Variants in ERBB4 observed in about 807,000 individuals in gnomAD.
ERBB4 encodes erb-b2 receptor tyrosine kinase 4.
In ERBB4, 42 loss-of-function variants were observed where a neutral mutation model predicts 158.0. The ratio of observed to expected loss-of-function variants is 0.27; its 90% CI spans 0.21 to 0.34. The LOEUF (loss-of-function observed/expected upper bound fraction) is 0.34, where lower values mean the gene tolerates loss of function less well. ERBB4 is among the 10% of genes least tolerant of loss of function. The pLI is 1.00. For missense variants in ERBB4, 1,333 were observed against 1,624.1 expected (o/e 0.82, Z 3.08); for synonymous variants, 583 against 558.7 (o/e 1.04, Z -0.61).
At chr2:211,931,380 A>T (rs936595777) in intron 3 of ERBB4, among the ~76,000 whole-genome samples, 1 of 152,098 alleles carries the variant, frequency 6.6e-6, no homozygotes, top group Non-Finnish European at 1.5e-5. Flanking sequence ...ACCCTAATAG[A>T]GGTCCCTAGA....
At chr2:212,477,056 A>G (rs1452841330) in intron 1 of ERBB4, among the ~76,000 whole-genome samples, 1 of 152,204 alleles carries the variant, frequency 6.6e-6, no homozygotes, top group Non-Finnish European at 1.5e-5. Context: ...AGTGTAATTA[A>G]AAAGATTAAA....
At chr2:211,393,485 T>G (rs990577664) in intron 25 of ERBB4, among the ~76,000 whole-genome samples, 5 of 152,210 alleles carry the variant, frequency 3.3e-5, no homozygotes, top group African/African-American at 9.6e-5. Flanking sequence ...AGCATTTCTA[T>G]TCTTACTCAT....
chr2:211,560,055 A>G (rs1559295660), intron 20 of ERBB4, among the ~76,000 whole-genome samples: 1 of 152,176 alleles, frequency 6.6e-6, no homozygotes, highest in Non-Finnish European at 1.5e-5. Flanking sequence ...CCAAGAAGCC[A>G]AGAGAAGACT....
At chr2:212,427,320 GAC>G (rs1166331926) in intron 1 of ERBB4, among the ~76,000 whole-genome samples, 8 of 152,250 alleles carry the variant, frequency 5.3e-5, no homozygotes, top group East Asian at 1.9e-4. Flanking sequence ...AGGTAGAGAT[GAC>G]AGTTTATCAT....
intron 1 of ERBB4, among the ~76,000 whole-genome samples, chr2:212,480,127 A>G (rs1041732914): frequency 6.6e-6 from 1 of 152,194 alleles, no homozygotes; most frequent in Admixed American, 6.6e-5. Context: ...GAACAACCTC[A>G]AAGGAAGATG....
At chr2:211,439,742 G>A (rs2063933602) in intron 20 of ERBB4, among the ~76,000 whole-genome samples, 2 of 152,102 alleles carry the variant, frequency 1.3e-5, no homozygotes, top group African/African-American at 4.8e-5. Context: ...ATATACAAAG[G>A]ATTTAGAACA....
At chr2:211,951,986 C>T (rs1241083315) in intron 2 of ERBB4, among the ~76,000 whole-genome samples, 3 of 151,792 alleles carry the variant, frequency 2.0e-5, no homozygotes, top group Non-Finnish European at 4.4e-5. Context: ...TTCTCTGACC[C>T]AGAAAAATAA....
At chr2:212,276,955 C>T (rs1410362462) in intron 1 of ERBB4, among the ~76,000 whole-genome samples, 6 of 151,678 alleles carry the variant, frequency 4.0e-5, no homozygotes, top group Non-Finnish European at 5.9e-5. Context: ...AACGGTGAAC[C>T]GGCAACCTTA....
chr2:212,224,835 T>C (rs2083420490), intron 1 of ERBB4, among the ~76,000 whole-genome samples: 1 of 152,090 alleles, frequency 6.6e-6, no homozygotes, highest in African/African-American at 2.4e-5. Context: ...ACAAGTTTTT[T>C]TTAAATTTGA....
intron 1 of ERBB4, among the ~76,000 whole-genome samples, chr2:212,417,941 A>G (rs2091695856): frequency 2.0e-5 from 3 of 152,028 alleles, no homozygotes; most frequent in South Asian, 4.1e-4. Context: ...AGATGCAGTC[A>G]TAAGGGTGAA....
intron 2 of ERBB4, among the ~76,000 whole-genome samples, chr2:211,956,719 T>C (rs192370649): frequency 1.2e-4 from 19 of 152,208 alleles, no homozygotes; most frequent in African/African-American, 4.6e-4. Flanking sequence ...GCAAAAACAT[T>C]TAATATTAAA....
chr2:212,520,645 C>CT (rs1560541901), intron 1 of ERBB4, among the ~76,000 whole-genome samples: 1 of 151,908 alleles, frequency 6.6e-6, no homozygotes, highest in Non-Finnish European at 1.5e-5. Flanking sequence ...TTGTTCTTAT[C>CT]TTTTGCAAAA....
chr2:212,275,357 C>A (rs1485105107), intron 1 of ERBB4, among the ~76,000 whole-genome samples: 1 of 151,950 alleles, frequency 6.6e-6, no homozygotes, highest in East Asian at 1.9e-4. Flanking sequence ...CACTGTCTCC[C>A]ACAATGGTTG....
chr2:212,391,468 C>G (rs993556532), intron 1 of ERBB4, among the ~76,000 whole-genome samples: 2 of 150,438 alleles, frequency 1.3e-5, no homozygotes, highest in Non-Finnish European at 3.0e-5. Context: ...AAAGTAAAAC[C>G]TTATCAGTTC....
chr2:212,240,902 T>C (rs1321654812), intron 1 of ERBB4, among the ~76,000 whole-genome samples: 1 of 152,060 alleles, frequency 6.6e-6, no homozygotes, highest in African/African-American at 2.4e-5. Context: ...CTGCCTCTTG[T>C]TATAGGGTCC....
chr2:212,483,043 A>G (rs776925245), intron 1 of ERBB4, among the ~76,000 whole-genome samples: 71 of 152,328 alleles, frequency 4.7e-4, no homozygotes, highest in Non-Finnish European at 8.5e-4. Context: ...GAGCAGATAG[A>G]TAGAACAGGA....
At chr2:211,661,532 A>G (rs2071420991) in intron 15 of ERBB4, among the ~76,000 whole-genome samples, 1 of 152,162 alleles carries the variant, frequency 6.6e-6, no homozygotes, top group South Asian at 2.1e-4. Flanking sequence ...AGTACTAATG[A>G]CTTATAAGTT....
chr2:212,438,062 T>C (rs1373454762), intron 1 of ERBB4, among the ~76,000 whole-genome samples: 3 of 152,088 alleles, frequency 2.0e-5, no homozygotes, highest in African/African-American at 7.2e-5. Flanking sequence ...TGTACATTTA[T>C]GAGGCTAGCC....
At chr2:212,349,423 G>A (rs545997788) in intron 1 of ERBB4, among the ~76,000 whole-genome samples, 1 of 151,970 alleles carries the variant, frequency 6.6e-6, no homozygotes, top group Non-Finnish European at 1.5e-5. Context: ...TTGAACAACA[G>A]TTGTTCTAAA....
Sources: allele counts gnomAD v4.1 joint callset (sites outside exome capture counted in the v4.1 genomes callset), GRCh38; gene constraint gnomAD v4.1.1; transcripts MANE v1.5; gene names NCBI Gene and HGNC (gene_info 2026-07-23, HGNC 2026-07-21).